PRKAR2B: variants seen among roughly 807,000 people sequenced by gnomAD.
PRKAR2B encodes the protein cAMP-dependent protein kinase type II-beta regulatory subunit.
Under a neutral mutation model 49.9 loss-of-function variants are expected in PRKAR2B, and 14 were observed. The ratio of observed to expected loss-of-function variants is 0.28; its 90% CI spans 0.19 to 0.44. The LOEUF (loss-of-function observed/expected upper bound fraction) is 0.44, where lower values mean the gene tolerates loss of function less well. Ranked by LOEUF, PRKAR2B falls within the 20% of genes least tolerant of loss-of-function variation. The pLI, the probability that PRKAR2B is intolerant of heterozygous loss-of-function variation, is 1.00. For missense variants in PRKAR2B, 393 were observed against 537.9 expected, an observed-to-expected ratio of 0.73 and a Z score of 2.67; for synonymous variants, 196 against 197.7, an observed-to-expected ratio of 0.99 and a Z score of 0.07.
intron 5 of PRKAR2B, among the ~76,000 whole-genome samples, chr7:107,144,932 C>T (rs1029757126): frequency 1.3e-5 from 2 of 151,532 alleles, no homozygotes; most frequent in Non-Finnish European, 1.5e-5. Context: ...TGATAAAATA[C>T]AGTATGCGGA....
chr7:107,049,984 T>C (rs977852074), intron 1 of PRKAR2B, among the ~76,000 whole-genome samples: 1 of 152,148 alleles, frequency 6.6e-6, no homozygotes, highest in African/African-American at 2.4e-5. Context: ...GAGATAGTGA[T>C]TGTGATTTTC....
chr7:107,063,518 G>A (rs950766803), intron 1 of PRKAR2B, among the ~76,000 whole-genome samples: 1 of 152,108 alleles, frequency 6.6e-6, no homozygotes, highest in African/African-American at 2.4e-5. Flanking sequence ...GCCAGCTCTG[G>A]AGAAAAGGAA....
intron 8 of PRKAR2B, among the ~76,000 whole-genome samples, chr7:107,155,297 A>C (rs1033623855): frequency 1.3e-5 from 2 of 152,206 alleles, no homozygotes; most frequent in Non-Finnish European, 2.9e-5. Flanking sequence ...TCACGCCTGT[A>C]ATCCCAGCAC....
chr7:107,049,226 A>G (rs1793756645), intron 1 of PRKAR2B, among the ~76,000 whole-genome samples: 1 of 152,254 alleles, frequency 6.6e-6, no homozygotes, highest in Admixed American at 6.5e-5. Context: ...TGATAAATGG[A>G]CAAGTGGTCA....
intron 4 of PRKAR2B, among the ~76,000 whole-genome samples, chr7:107,133,912 A>G (rs1795647682): frequency 6.6e-6 from 1 of 152,140 alleles, no homozygotes. Context: ...CTCAGGAACT[A>G]TGTTCTTTTA....
intron 2 of PRKAR2B, among the ~76,000 whole-genome samples, chr7:107,108,006 C>A (rs565525785): frequency 2.6e-5 from 4 of 152,170 alleles, no homozygotes; most frequent in African/African-American, 9.6e-5. Context: ...AGTAGGGTGA[C>A]AGGATTCTCA....
chr7:107,149,092 A>G (rs2115660735), intron 6 of PRKAR2B, among the ~76,000 whole-genome samples: 1 of 152,282 alleles, frequency 6.6e-6, no homozygotes, highest in African/African-American at 2.4e-5. Flanking sequence ...CTTTGGGAGC[A>G]TTTATGAATT....
In PRKAR2B at chr7:107,137,806, GTTGAGTAACT is replaced by G. The variant is rs530072227; in HGVS notation, c.481-3038_481-3029del. ...TGGATTTCTCTTCATTTTCAGAGAAGTTGAGTAACTTTTCATGTTTTTAAGAATCCTCCTT... is the reference window on the plus strand; with the variant it reads ...TGGATTTCTCTTCATTTTCAGAGAAGTTTCATGTTTTTAAGAATCCTCCTT... On this transcript the variant is annotated intron_variant, in intron 4 of 10. Transcript: ENST00000265717. 3.6e-3 allele frequency among the ~76,000 whole-genome samples: 546 copies of G among 152,268 alleles called. 3 individuals carry two copies. Among genetic ancestry groups the G allele is most frequent in the African/African-American group, 0.012 (514 of 41,556 alleles).
intron 3 of PRKAR2B, among the ~76,000 whole-genome samples, chr7:107,126,420 CAAA>C (rs35682952): frequency 7.8e-5 from 3 of 38,394 alleles, no homozygotes; most frequent in South Asian, 9.2e-4. Context: ...GAATCTGTCT[CAAA>C]AAAAAAAAAA....
chr7:107,138,045 T>G (rs1034855138), intron 4 of PRKAR2B, among the ~76,000 whole-genome samples: 9 of 152,132 alleles, frequency 5.9e-5, no homozygotes, highest in Non-Finnish European at 1.2e-4. Context: ...TCCTTTTTGT[T>G]TTCTCTTTTA....
chr7:107,122,681 A>G (rs1274513670), intron 3 of PRKAR2B, among the ~76,000 whole-genome samples: 1 of 152,150 alleles, frequency 6.6e-6, no homozygotes, highest in Non-Finnish European at 1.5e-5. Context: ...GGCCTTAAAC[A>G]GTATAAACAA....
chr7:107,155,613 AATG>A (rs1796067682), intron 8 of PRKAR2B, among the ~76,000 whole-genome samples: 1 of 151,944 alleles, frequency 6.6e-6, no homozygotes, highest in Admixed American at 6.6e-5. Flanking sequence ...GCATTTCTCT[AATG>A]ATCAGTAATG....
At chr7:107,111,600 A>G (rs577561787) in intron 2 of PRKAR2B, among the ~76,000 whole-genome samples, 1 of 152,344 alleles carries the variant, frequency 6.6e-6, no homozygotes, top group Non-Finnish European at 1.5e-5. Flanking sequence ...TAATCCAGAT[A>G]GTTCTTCCAG....
intron 4 of PRKAR2B, among the ~76,000 whole-genome samples, chr7:107,130,043 CT>C (rs150953292): frequency 0.039 from 5,876 of 152,252 alleles, 378 homozygotes; most frequent in African/African-American, 0.13. Context: ...AGGTTTCAGC[CT>C]TATTTTACCC....
chr7:107,082,692 C>G (rs1289884269), intron 2 of PRKAR2B, among the ~76,000 whole-genome samples: 1 of 152,094 alleles, frequency 6.6e-6, no homozygotes, highest in South Asian at 2.1e-4. Context: ...CTCCCAGGCT[C>G]GAGTGATCCT....
At position 107,159,532 on chromosome 7, in the gene PRKAR2B, T is replaced by G; in HGVS notation, c.1207T>G (p.Leu403Val). 1.2e-6 allele frequency: 2 copies of G among 1,614,070 alleles called. No individual in the cohort carries two copies. The highest frequency in any genetic ancestry group is 1.7e-6 in the Non-Finnish European group (2 of 1,179,952). ...KRNIATYEEQ[L>V]VALFGTNMDI... is the part of the protein sequence containing the mutation. ...GAACATCGCTACCTATGAAGAACAG[T>G]TAGTTGCCCTGTTTGGAACGAACAT... is the stretch of plus-strand genomic sequence containing the variant. The change falls in exon 11 of 11, where the codon TTA becomes GTA. Residue 403 changes from leucine (L) to valine (V), a missense_variant. Around this residue, in one of 2 missense-constraint regions of PRKAR2B, gnomAD observed 233 missense variants for 390.4 expected, o/e 0.60. Coordinates refer to ENST00000265717, the MANE Select transcript of PRKAR2B (RefSeq NM_002736.3).
intron 1 of PRKAR2B, among the ~76,000 whole-genome samples, chr7:107,055,181 A>G (rs1476655767): frequency 3.9e-5 from 6 of 152,140 alleles, no homozygotes; most frequent in Admixed American, 3.9e-4. Flanking sequence ...CATGGTGTAT[A>G]TGTGCCACAT....
At chr7:107,116,761 A>G (rs1215707186) in intron 2 of PRKAR2B, among the ~76,000 whole-genome samples, 4 of 151,816 alleles carry the variant, frequency 2.6e-5, no homozygotes, top group Non-Finnish European at 4.4e-5. Context: ...ATGGATGAGA[A>G]CAGGTCTATA....
intron 1 of PRKAR2B, among the ~76,000 whole-genome samples, chr7:107,054,818 T>G (rs1793877136): frequency 6.6e-6 from 1 of 151,900 alleles, no homozygotes; most frequent in African/African-American, 2.4e-5. Flanking sequence ...TAAATAGACT[T>G]TTTTTTATTA....
Sources: gnomAD v4.1 joint callset for allele counts (sites outside exome capture counted in the v4.1 genomes callset) on GRCh38, gnomAD v4.1.1 for gene constraint, gnomAD v4.1.1 regional missense constraint, MANE v1.5 for transcripts, NCBI Gene and HGNC (gene_info 2026-07-23, HGNC 2026-07-21) for gene names.